Variants in EYS observed in about 807,000 individuals in gnomAD.
The protein encoded by EYS is protein eyes shut homolog.
Under a neutral mutation model 282.1 loss-of-function variants are expected in EYS, and 250 were observed. The ratio of observed to expected loss-of-function variants is 0.89; its 90% CI spans 0.80 to 0.98. The LOEUF (loss-of-function observed/expected upper bound fraction) is 0.98, where lower values mean the gene tolerates loss of function less well. EYS is among the 50% of genes least tolerant of loss of function. EYS has a pLI of 0.00. For synonymous variants in EYS, 1,355 were observed against 1,282.9 expected (o/e 1.06, Z -1.20); for missense variants, 4,016 against 3,709.0 (o/e 1.08, Z -2.15).
At chr6:64,585,065 A>G (rs898922940) in intron 26 of EYS, among the ~76,000 whole-genome samples, 1 of 152,138 alleles carries the variant, frequency 6.6e-6, no homozygotes, top group Non-Finnish European at 1.5e-5. Flanking sequence ...AAGACACGGA[A>G]CCAACCCAGG....
At chr6:65,088,279 G>T (rs1167888803) in intron 12 of EYS, among the ~76,000 whole-genome samples, 5 of 152,156 alleles carry the variant, frequency 3.3e-5, no homozygotes, top group African/African-American at 1.2e-4. Context: ...ATAGGAAGAG[G>T]TTGGAACAGT....
chr6:64,678,034 T>C (rs530286147), intron 22 of EYS, among the ~76,000 whole-genome samples: 1 of 152,260 alleles, frequency 6.6e-6, no homozygotes, highest in African/African-American at 2.4e-5. Context: ...TCAGGATTTT[T>C]CCCCCTTGCT....
In EYS at chr6:64,592,567, G is replaced by C. The variant is rs183562265; in HGVS notation, c.3877+550C>G. The stretch of plus-strand genomic sequence containing the variant: ...ACAATTCTTACTCTGATTATCCGAA[G>C]TGGCATTGGCTACATGAAGAGTAAA... On this transcript the variant is annotated intron_variant, in intron 25 of 42. Coordinates refer to ENST00000503581, the MANE Select transcript of EYS (RefSeq NM_001142800.2). 4.5e-3 allele frequency among the ~76,000 whole-genome samples: 681 copies of C among 152,176 alleles called. 4 individuals carry two copies. Among genetic ancestry groups the C allele is most frequent in the African/African-American group, 0.016 (645 of 41,530 alleles).
intron 31 of EYS, among the ~76,000 whole-genome samples, chr6:64,125,154 G>GCGCGCGCGCGCTCTCTCTCTCTCTCTCTC (rs1773724746): frequency 1.2e-4 from 18 of 145,320 alleles, no homozygotes; most frequent in African/African-American, 3.9e-4. Context: ...CACACTCTCT[G>GCGCGCGCGCGCTCTCTCTCTCTCTCTCTC]TCTCTCTCTC....
intron 26 of EYS, among the ~76,000 whole-genome samples, chr6:64,572,670 A>T (rs1469732449): frequency 6.6e-6 from 1 of 152,200 alleles, no homozygotes; most frequent in East Asian, 1.9e-4. Context: ...TCCCATTCAC[A>T]ATTGCTACAA....
At chr6:64,296,574 ATATATATATACATATATATATATAT>A (rs1769013467) in intron 30 of EYS, among the ~76,000 whole-genome samples, 2 of 6,336 alleles carry the variant, frequency 3.2e-4, no homozygotes, top group African/African-American at 1.9e-3. Flanking sequence ...ATATATATAT[ATATATATATACATATATATATATAT>A]TTTTTTTTTT....
chr6:64,304,148 A>C (rs1036020904), intron 30 of EYS, among the ~76,000 whole-genome samples: 1 of 152,090 alleles, frequency 6.6e-6, no homozygotes, highest in African/African-American at 2.4e-5. Context: ...GATGCTGCAG[A>C]CTCTGACAGC....
intron 30 of EYS, among the ~76,000 whole-genome samples, chr6:64,272,320 T>C (rs1355463742): frequency 6.6e-6 from 1 of 152,220 alleles, no homozygotes; most frequent in Non-Finnish European, 1.5e-5. Flanking sequence ...GTCATTATGA[T>C]GCTAGCTGGT....
At chr6:65,242,382 G>A (rs1037221475) in intron 12 of EYS, among the ~76,000 whole-genome samples, 1 of 151,938 alleles carries the variant, frequency 6.6e-6, no homozygotes, top group Non-Finnish European at 1.5e-5. Flanking sequence ...TGACCAATAT[G>A]TTGTCTTTGT....
chr6:64,633,607 T>G (rs890729946), intron 22 of EYS, among the ~76,000 whole-genome samples: 1 of 135,012 alleles, frequency 7.4e-6, no homozygotes, highest in African/African-American at 2.8e-5. Flanking sequence ...GTTTTCACAT[T>G]CTTTCATACT....
intron 9 of EYS, among the ~76,000 whole-genome samples, chr6:65,350,231 G>A (rs955719067): frequency 1.3e-5 from 2 of 151,386 alleles, no homozygotes; most frequent in Non-Finnish European, 3.0e-5. Flanking sequence ...AAGAAGACTT[G>A]AAGGTAGAAC....
At chr6:64,742,943 A>G (rs114819129) in intron 22 of EYS, among the ~76,000 whole-genome samples, 3,649 of 152,226 alleles carry the variant, frequency 0.024, 149 homozygotes, top group African/African-American at 0.08. Flanking sequence ...TTAACTGCAA[A>G]TAAGAAAATT....
Position 63,778,093 on chromosome 6 carries a change from C to A in EYS, c.7811G>T (p.Arg2604Leu), listed in dbSNP as rs368798160. The A allele has an allele frequency of 3.9e-6, 6 of 1,551,718 alleles. No homozygotes were observed. The highest frequency in any genetic ancestry group is 2.4e-5 in the East Asian group (1 of 40,916). ...AGAAGCATGACACTGGCCAACACTG[C>A]GTCCAGCATTTGGGTGGCCCTCAGG... is the stretch of plus-strand genomic sequence containing the variant. Reference protein sequence around the residue: ...GNPEGHPNAGRSVGQCHASPC... With the variant: ...GNPEGHPNAGLSVGQCHASPC... Residue 2604 changes from arginine (R) to leucine (L), a missense_variant, in exon 40 of 43, where the codon CGC becomes CTC. Transcript: ENST00000503581.
chr6:64,370,965 A>T (rs371220925), intron 29 of EYS, among the ~76,000 whole-genome samples: 13 of 152,064 alleles, frequency 8.5e-5, no homozygotes, highest in African/African-American at 2.4e-4. Context: ...TTCAAAGAGC[A>T]AGCTCCTAAA....
intron 31 of EYS, among the ~76,000 whole-genome samples, chr6:64,174,138 A>G (rs568072858): frequency 6.6e-6 from 1 of 152,234 alleles, no homozygotes; most frequent in Non-Finnish European, 1.5e-5. Context: ...ATTTTTATTT[A>G]TCCTTATCAA....
intron 35 of EYS, among the ~76,000 whole-genome samples, chr6:63,937,495 C>T (rs146510658): frequency 4.0e-5 from 6 of 150,680 alleles, no homozygotes; most frequent in Non-Finnish European, 7.4e-5. Context: ...ATTCTCCTGC[C>T]TCAGCCTCCC....
chr6:64,506,496 T>C (rs998180420), intron 26 of EYS, among the ~76,000 whole-genome samples: 6 of 152,236 alleles, frequency 3.9e-5, no homozygotes, highest in African/African-American at 1.4e-4. Flanking sequence ...AAATTCACTT[T>C]AGTTTTAGCA....
chr6:63,886,112 A>G lies in EYS; in HGVS notation c.7056-21754T>C, dbSNP rs1007872207. Among the ~76,000 whole-genome samples the G allele has an allele frequency of 2.6e-5, 4 of 152,190 alleles. No individual in the cohort carries two copies. The East Asian group carries it at 7.7e-4, about 29-fold the overall frequency. ...TGGGAACTTGATGCTCAATGCTTTT[A>G]ATCATGCTTTGATTTTACAATGTCT... On this transcript the variant is annotated intron_variant, in intron 35 of 42. Transcript: ENST00000503581.
intron 22 of EYS, among the ~76,000 whole-genome samples, chr6:64,759,670 A>G (rs1373370487): frequency 6.6e-6 from 1 of 152,180 alleles, no homozygotes; most frequent in Non-Finnish European, 1.5e-5. Context: ...AATCAAAATA[A>G]AGGAGGATTT....
Sources: gnomAD v4.1 joint callset for allele counts (sites outside exome capture counted in the v4.1 genomes callset) on GRCh38, gnomAD v4.1.1 for gene constraint, MANE v1.5 for transcripts, NCBI Gene and HGNC (gene_info 2026-07-23, HGNC 2026-07-21) for gene names.